The following NAALADL2 variants were observed in gnomAD, a reference collection of about 807,000 sequenced individuals.
NAALADL2 encodes N-acetylated alpha-linked acidic dipeptidase like 2, also known as inactive N-acetylated-alpha-linked acidic dipeptidase-like protein 2.
A neutral mutation model predicts 87.2 loss-of-function variants in NAALADL2; 76 were observed. That is an observed-to-expected ratio of 0.87 (90% confidence interval 0.72 to 1.05). The LOEUF (loss-of-function observed/expected upper bound fraction) is 1.05. Among genes scored for constraint, NAALADL2 ranks in the 50% least tolerant of loss-of-function variants. The probability of loss-of-function intolerance (pLI) is 0.00; values close to 1 mark genes in which losing one functional copy is unlikely to be tolerated. For synonymous variants in NAALADL2, 354 were observed against 331.0 expected (o/e 1.07, Z -0.75); for missense variants, 1,089 against 945.8 (o/e 1.15, Z -1.99).
At chr3:174,939,744 A>G (rs893340717) in intron 1 of NAALADL2, among the ~76,000 whole-genome samples, 1 of 151,914 alleles carries the variant, frequency 6.6e-6, no homozygotes, top group East Asian at 1.9e-4. Flanking sequence ...CTGTATTTCT[A>G]GGTATTTTAC....
At chr3:175,126,650 A>C (rs1011566731) in intron 2 of NAALADL2, among the ~76,000 whole-genome samples, 1 of 152,138 alleles carries the variant, frequency 6.6e-6, no homozygotes, top group African/African-American at 2.4e-5. Flanking sequence ...ACGAAACAAA[A>C]CTCAAAACTA....
rs374235134 is a variant in NAALADL2 at position 175,234,042 on chromosome 3, G to C, written c.657G>C (p.Val219=). 4.3e-6 allele frequency: 7 copies of C among 1,613,782 alleles called. No homozygotes were observed. The African/African-American group carries it at 8.0e-5, about 18-fold the overall frequency. The change falls in exon 3 of 14, where the codon GTG becomes GTC. Residue 219 remains valine (V), a synonymous_variant. Coordinates refer to ENST00000454872, the MANE Select transcript of NAALADL2 (RefSeq NM_207015.3). Reference sequence around the variant, plus strand: ...ATGTACAGTTTGTAAATTACTCTGTGCTGCTTGATCTGCCAGGCCCTTCTC... The same window carrying C: ...ATGTACAGTTTGTAAATTACTCTGTCCTGCTTGATCTGCCAGGCCCTTCTC... ...LEDVQFVNYS[V]LLDLPGPSPS... is the part of the protein sequence containing the mutation.
chr3:175,306,100 C>A (rs1757687618), intron 4 of NAALADL2, among the ~76,000 whole-genome samples: 1 of 151,030 alleles, frequency 6.6e-6, no homozygotes. Context: ...ATTTTTCTTC[C>A]AGCTTACTCA....
At chr3:175,240,501 C>T (rs1746654852) in intron 3 of NAALADL2, among the ~76,000 whole-genome samples, 1 of 152,178 alleles carries the variant, frequency 6.6e-6, no homozygotes. Flanking sequence ...GAGCTATATG[C>T]ATTTGGCTCT....
chr3:174,701,983 T>C (rs1578600454), intron 2 of NAALADL2, among the ~76,000 whole-genome samples: 1 of 152,312 alleles, frequency 6.6e-6, no homozygotes, highest in South Asian at 2.1e-4. Flanking sequence ...ATTATTACTT[T>C]TTAAGAAACT....
At chr3:175,577,274 A>C (rs6808786) in intron 10 of NAALADL2, among the ~76,000 whole-genome samples, 1,793 of 152,300 alleles carry the variant, frequency 0.012, 35 homozygotes, top group African/African-American at 0.04. Flanking sequence ...GGTGAGGATT[A>C]AATGAGACTA....
intron 11 of NAALADL2, among the ~76,000 whole-genome samples, chr3:175,681,453 C>T (rs550520063): frequency 4.6e-5 from 7 of 152,226 alleles, no homozygotes; most frequent in African/African-American, 1.4e-4. Flanking sequence ...TAAATTTAAG[C>T]GTGACTGTTT....
intron 5 of NAALADL2, among the ~76,000 whole-genome samples, chr3:175,362,010 T>C (rs552397553): frequency 6.7e-6 from 1 of 148,286 alleles, no homozygotes; most frequent in Non-Finnish European, 1.5e-5. Flanking sequence ...GGTCTAACGT[T>C]TAAGTCTTTA....
intron 1 of NAALADL2, among the ~76,000 whole-genome samples, chr3:174,902,906 T>C (rs752402580): frequency 6.6e-6 from 1 of 152,054 alleles, no homozygotes; most frequent in Non-Finnish European, 1.5e-5. Context: ...ACAAGAAGAT[T>C]GGACAGAAAT....
chr3:175,775,832 G>A (rs1750160434), intron 13 of NAALADL2, among the ~76,000 whole-genome samples: 1 of 152,132 alleles, frequency 6.6e-6, no homozygotes, highest in South Asian at 2.1e-4. Flanking sequence ...AAGAGTTGTA[G>A]CAGTGGTTAG....
intron 13 of NAALADL2, among the ~76,000 whole-genome samples, chr3:175,764,268 C>T (rs530066021): frequency 6.6e-6 from 1 of 152,086 alleles, no homozygotes; most frequent in African/African-American, 2.4e-5. Flanking sequence ...GGGACTATCT[C>T]AGTAACTACA....
At chr3:175,450,996 G>A (rs1220902023) in intron 6 of NAALADL2, among the ~76,000 whole-genome samples, 1 of 152,044 alleles carries the variant, frequency 6.6e-6, no homozygotes, top group African/African-American at 2.4e-5. Flanking sequence ...ATGAGTAAAG[G>A]GGAGAGAAAG....
At chr3:175,377,143 T>C (rs1185051756) in intron 5 of NAALADL2, among the ~76,000 whole-genome samples, 2 of 151,972 alleles carry the variant, frequency 1.3e-5, no homozygotes, top group African/African-American at 4.8e-5. Flanking sequence ...TAAAACCCCA[T>C]CTCTACTAAT....
At chr3:175,426,874 A>C (rs1192219082) in intron 5 of NAALADL2, among the ~76,000 whole-genome samples, 1 of 152,164 alleles carries the variant, frequency 6.6e-6, no homozygotes. Flanking sequence ...TGTCAGAGAG[A>C]GTGCTGTATT....
chr3:174,484,180 G>C (rs957057545), intron 1 of NAALADL2, among the ~76,000 whole-genome samples: 16 of 144,074 alleles, frequency 1.1e-4, no homozygotes, highest in African/African-American at 3.6e-4. Flanking sequence ...AATGTGTCGA[G>C]TGTGATTTAC....
chr3:174,630,392 AT>A (rs1034187599), intron 2 of NAALADL2, among the ~76,000 whole-genome samples: 11 of 152,104 alleles, frequency 7.2e-5, no homozygotes, highest in Non-Finnish European at 1.5e-4. Context: ...AAATGTGAAA[AT>A]TTTTTAAAAG....
chr3:174,632,755 T>C (rs1350517395), intron 2 of NAALADL2, among the ~76,000 whole-genome samples: 2 of 151,702 alleles, frequency 1.3e-5, no homozygotes, highest in Non-Finnish European at 2.9e-5. Context: ...TCAAATATGG[T>C]AAAACCCCAT....
intron 2 of NAALADL2, among the ~76,000 whole-genome samples, chr3:174,695,512 G>A (rs976346535): frequency 2.0e-5 from 3 of 151,862 alleles, no homozygotes; most frequent in African/African-American, 7.3e-5. Flanking sequence ...TTCCCAACAA[G>A]GATGTCAAAA....
At chr3:175,475,326 A>G (rs1725539389) in intron 9 of NAALADL2, among the ~76,000 whole-genome samples, 1 of 152,210 alleles carries the variant, frequency 6.6e-6, no homozygotes, top group Admixed American at 6.6e-5. Context: ...TTATGAAATT[A>G]AAGATAAGAT....
Sources: allele counts gnomAD v4.1 joint callset (sites outside exome capture counted in the v4.1 genomes callset), GRCh38; gene constraint gnomAD v4.1.1; transcripts MANE v1.5; gene names NCBI Gene and HGNC (gene_info 2026-07-23, HGNC 2026-07-21).